The following TNRC18 variants were observed in gnomAD, a reference collection of about 807,000 sequenced individuals.
The protein encoded by TNRC18 is trinucleotide repeat-containing gene 18 protein.
Under a neutral mutation model 226.7 loss-of-function variants are expected in TNRC18, and 69 were observed. The observed-to-expected ratio is 0.30, with a 90% CI of 0.25 to 0.37. The LOEUF (loss-of-function observed/expected upper bound fraction) is 0.37. Ranked by LOEUF, TNRC18 falls within the 10% of genes least tolerant of loss-of-function variation. The pLI is 1.00. For missense variants in TNRC18, 4,754 were observed against 4,256.6 expected, an observed-to-expected ratio of 1.12 and a Z score of -3.25; for synonymous variants, 2,449 against 1,927.6, an observed-to-expected ratio of 1.27 and a Z score of -7.09.
At chr7:5,338,072 G>A (rs183323246) in intron 18 of TNRC18, among the ~76,000 whole-genome samples, 8 of 152,270 alleles carry the variant, frequency 5.3e-5, no homozygotes, top group Non-Finnish European at 2.9e-5. Flanking sequence ...TATAAAATAT[G>A]AGGTATGATA....
intron 19 of TNRC18, among the ~76,000 whole-genome samples, chr7:5,326,424 T>G (rs1788916216): frequency 6.6e-6 from 1 of 152,078 alleles, no homozygotes; most frequent in Non-Finnish European, 1.5e-5. Context: ...GCCTGTAGGC[T>G]GCCTCCGTTT....
chr7:5,316,334 C>T (rs943739499), intron 24 of TNRC18, among the ~76,000 whole-genome samples: 3 of 128,532 alleles, frequency 2.3e-5, no homozygotes, highest in African/African-American at 6.0e-5. Context: ...GGCTGGAGTG[C>T]AATGGCATGA....
intron 19 of TNRC18, among the ~76,000 whole-genome samples, chr7:5,328,566 T>C (rs2128123365): frequency 6.6e-6 from 1 of 151,362 alleles, no homozygotes; most frequent in South Asian, 2.1e-4. Context: ...TGGAGTGCAG[T>C]GGCACAATCT....
rs35270494 is a variant in TNRC18 at position 5,372,070 on chromosome 7, A to AT, written c.3230-707dup. Among the ~76,000 whole-genome samples, 245 of 144,802 alleles carry AT rather than the reference A, an allele frequency of 1.7e-3. 1 individual carries two copies. The highest frequency in any genetic ancestry group is 6.1e-3 in the East Asian group (30 of 4,902). The allele number at this position is 144,802 out of a possible 152,430, so 95.0% of individuals were successfully genotyped here. On this transcript the variant is annotated intron_variant, in intron 10 of 29. Transcript: ENST00000430969. ...AAGCATGACCCACCGCGCCTGGCTAATTTTTTTTTTTTTTTGAGACGCAGT... is the reference window on the plus strand; with the variant it reads ...AAGCATGACCCACCGCGCCTGGCTAATTTTTTTTTTTTTTTTGAGACGCAGT...
At position 5,377,333 on chromosome 7, in the gene TNRC18, C is replaced by CCCCCCCGA; in HGVS notation, c.2461+37_2461+38insTCGGGGGG. 7.4e-7 allele frequency: 1 copy of CCCCCCCGA among 1,345,596 alleles called. No homozygotes were observed. The highest frequency in any genetic ancestry group is 1.0e-6 in the Non-Finnish European group (1 of 988,676). 83.4% of individuals were successfully genotyped at this position (1,345,596 alleles called of 1,614,324 possible). On this transcript the variant is annotated intron_variant, in intron 7 of 29. Coordinates refer to ENST00000430969, the MANE Select transcript of TNRC18 (RefSeq NM_001080495.3). The surrounding 1 kb of genome is among the most constrained non-coding windows in gnomAD (Gnocchi z 5.8). Reference sequence around the variant, plus strand: ...CTGCACCCGCCCCCTCCCACCCCTCCCTCAGAGAAGGGGAGAGACCCTGTG... The same window carrying CCCCCCCGA: ...CTGCACCCGCCCCCTCCCACCCCTCCCCCCCCGACTCAGAGAAGGGGAGAGACCCTGTG...
intron 2 of TNRC18, among the ~76,000 whole-genome samples, chr7:5,412,244 G>GAAAAAAA (rs55864404): frequency 1.4e-5 from 1 of 71,826 alleles, no homozygotes; most frequent in African/African-American, 3.2e-5. Context: ...AATTCCAAAT[G>GAAAAAAA]AAAAAAAAAA....
intron 3 of TNRC18, among the ~76,000 whole-genome samples, chr7:5,392,032 A>T (rs1432845948): frequency 1.3e-5 from 2 of 151,836 alleles, no homozygotes; most frequent in Non-Finnish European, 2.9e-5. Flanking sequence ...GCCCCTGCTA[A>T]GGCCAGGGAT....
At chr7:5,375,563 T>G (rs73055885) in intron 9 of TNRC18, among the ~76,000 whole-genome samples, 14,780 of 152,220 alleles carry the variant, frequency 0.097, 976 homozygotes, top group South Asian at 0.24. Context: ...ATGCACTACC[T>G]GGGCCGACTC....
intron 2 of TNRC18, among the ~76,000 whole-genome samples, chr7:5,405,451 C>G (rs1781400866): frequency 6.6e-6 from 1 of 152,016 alleles, no homozygotes; most frequent in Non-Finnish European, 1.5e-5. Flanking sequence ...CACCTGTAAT[C>G]CCAGCTATTA....
intron 17 of TNRC18, among the ~76,000 whole-genome samples, chr7:5,348,851 T>G (rs1423975141): frequency 6.6e-6 from 1 of 151,560 alleles, no homozygotes; most frequent in Admixed American, 6.6e-5. Context: ...TCCGCCCCAG[T>G]GGGCCACAGC....
chr7:5,385,762 C>A (rs1779728580), intron 5 of TNRC18, among the ~76,000 whole-genome samples: 3 of 151,050 alleles, frequency 2.0e-5, no homozygotes, highest in Admixed American at 2.0e-4. Flanking sequence ...TCAACTGCGG[C>A]CAGGAGTTTG....
intron 2 of TNRC18, among the ~76,000 whole-genome samples, chr7:5,400,291 C>A (rs2128208207): frequency 6.6e-6 from 1 of 152,132 alleles, no homozygotes; most frequent in African/African-American, 2.4e-5. Flanking sequence ...TGCTTCTAGC[C>A]AAATGCCATT....
chr7:5,423,030 G>C (rs1447677772), intron 1 of TNRC18: 1 of 152,272 alleles, frequency 6.6e-6, no homozygotes, highest in Non-Finnish European at 1.5e-5. Context: ...GGCTATCTGC[G>C]GGCTCCGCTG....
intron 27 of TNRC18, among the ~76,000 whole-genome samples, chr7:5,311,035 AGT>A (rs749120450): frequency 2.0e-5 from 3 of 152,160 alleles, no homozygotes; most frequent in African/African-American, 2.4e-5. Flanking sequence ...TACGTGTGCA[AGT>A]GTGCATTTGT....
chr7:5,420,217 G>A (rs994057988), intron 2 of TNRC18: 3 of 352,010 alleles, frequency 8.5e-6, no homozygotes, highest in African/African-American at 6.6e-5. Flanking sequence ...CCCGTCTCGG[G>A]AAATGGTGGA....
In TNRC18 at chr7:5,335,973, A is replaced by G. The variant is rs148302743; in HGVS notation, c.5720-2924T>C. On this transcript the variant is annotated intron_variant, in intron 18 of 29. Transcript: ENST00000430969. ...TATAATCCCAGCACTTTGGGAGGCC[A>G]AGGCGGGCAGATCACTTGAGGTGAG... is the stretch of plus-strand genomic sequence containing the variant. Among the ~76,000 whole-genome samples the G allele has an allele frequency of 2.8e-3, 429 of 152,072 alleles. 3 individuals are homozygous for G. The highest frequency in any genetic ancestry group is 9.8e-3 in the African/African-American group (406 of 41,496).
chr7:5,314,603 G>C (rs1047484646), intron 26 of TNRC18, among the ~76,000 whole-genome samples: 1 of 116,674 alleles, frequency 8.6e-6, no homozygotes, highest in Non-Finnish European at 1.7e-5. Flanking sequence ...ATGGAATTTC[G>C]CTCTTGTCGC....
intron 19 of TNRC18, among the ~76,000 whole-genome samples, chr7:5,328,454 G>A (rs182309061): frequency 1.8e-4 from 28 of 151,630 alleles, no homozygotes; most frequent in Non-Finnish European, 3.4e-4. Context: ...GATCACTTGA[G>A]CCCAAGAGTT....
chr7:5,357,393 C>T (rs1179231262), intron 15 of TNRC18, 117 bp from the exon 16 acceptor site: 4 of 1,117,812 alleles, frequency 3.6e-6, no homozygotes, highest in Non-Finnish European at 5.0e-6. Context: ...TGTGATTTAA[C>T]TCCTCTTAGC....
Sources: allele counts gnomAD v4.1 joint callset (sites outside exome capture counted in the v4.1 genomes callset), GRCh38; gene constraint gnomAD v4.1.1; non-coding constraint Gnocchi (gnomAD v3.1); transcripts MANE v1.5; gene names NCBI Gene and HGNC (gene_info 2026-07-23, HGNC 2026-07-21).